The following UCHL5 variants were observed in gnomAD, a reference collection of about 807,000 sequenced individuals.
UCHL5 encodes the protein ubiquitin carboxyl-terminal hydrolase isozyme L5.
Under a neutral mutation model 53.8 loss-of-function variants are expected in UCHL5, and 34 were observed. The ratio of observed to expected loss-of-function variants is 0.63; its 90% confidence interval spans 0.48 to 0.84. The LOEUF is 0.84. UCHL5 is among the 40% of genes least tolerant of loss of function. UCHL5 has a pLI of 0.00. For missense variants in UCHL5, 290 were observed against 385.6 expected (o/e 0.75, Z 2.08); for synonymous variants, 111 against 126.3 (o/e 0.88, Z 0.81).
intron 3 of UCHL5, among the ~76,000 whole-genome samples, chr1:193,035,927 A>G (rs1014095562): frequency 1.3e-5 from 2 of 152,090 alleles, no homozygotes; most frequent in Non-Finnish European, 2.9e-5. Context: ...ACCTCTTTAT[A>G]ATAACATGTC....
At chr1:193,059,860 C>T, upstream of UCHL5, 1 of 1,363,830 alleles carries the variant, frequency 7.3e-7, no homozygotes, top group South Asian at 1.1e-5. The surrounding 1 kb of genome is among the most constrained non-coding windows in gnomAD (Gnocchi z 4.9). Flanking sequence ...CCATGTCTCT[C>T]ACCCGCATCC....
Position 193,029,196 on chromosome 1 carries a change from T to C in UCHL5, c.548A>G (p.Glu183Gly). ...TGCATTACCTAAATCAATCGGTCCT[T>C]CTCTTAATCCATCTAATTCATACAG... ...GRLYELDGLR[E>G]GPIDLGACNQ... Residue 183 changes from glutamate to glycine, a missense_variant, in exon 6 of 11, where the codon GAA (glutamate) becomes GGA (glycine). Glu to Gly is a moderately conservative substitution (Grantham distance 98). Coordinates refer to ENST00000367454, the MANE Select transcript of UCHL5 (RefSeq NM_001199261.3). 6.2e-7 allele frequency: 1 copy of C among 1,612,938 alleles called. No individual in the cohort carries two copies. Among genetic ancestry groups the C allele is most frequent in the Non-Finnish European group, 8.5e-7 (1 of 1,179,590 alleles).
chr1:193,025,004 T>C (rs566846708), intron 7 of UCHL5, among the ~76,000 whole-genome samples: 20 of 152,020 alleles, frequency 1.3e-4, no homozygotes, highest in Non-Finnish European at 2.6e-4. Flanking sequence ...TTCTGAAAGG[T>C]AGAAAAAAAG....
intron 9 of UCHL5, 51 bp from the exon 10 acceptor site, chr1:193,021,246 AT>A: frequency 8.0e-7 from 1 of 1,257,686 alleles, no homozygotes; most frequent in Non-Finnish European, 1.2e-6. Context: ...TAATTTTGAT[AT>A]TTTATTCTTT....
At position 193,059,269 on chromosome 1, in the gene UCHL5, C is replaced by A. The variant is rs1671995362; in HGVS notation, c.-9G>T. On this transcript the variant is annotated 5_prime_UTR_variant, in exon 1 of 11. Coordinates refer to ENST00000367454, the MANE Select transcript of UCHL5 (RefSeq NM_001199261.3). This position sits in a 1 kb window ranked among gnomAD's most constrained non-coding sequence, Gnocchi z 4.9. ...CCGGCATTGCCCGTCATGGCCCTGG[C>A]CACACACCGCCCCGATCCACCTCTC... The A allele has an allele frequency of 6.2e-7, 1 of 1,613,716 alleles. No homozygotes were observed. Among genetic ancestry groups the A allele is most frequent in the South Asian group, 1.1e-5 (1 of 91,038 alleles).
At chr1:193,058,105 T>C (rs1178208175) in intron 1 of UCHL5, among the ~76,000 whole-genome samples, 2 of 151,384 alleles carry the variant, frequency 1.3e-5, no homozygotes, top group Non-Finnish European at 2.9e-5. Flanking sequence ...CGCGTGCCTG[T>C]AATCCCAGCT....
chr1:193,054,681 T>C (rs1670075755), intron 1 of UCHL5, among the ~76,000 whole-genome samples: 1 of 152,240 alleles, frequency 6.6e-6, no homozygotes, highest in South Asian at 2.1e-4. Flanking sequence ...GGGCACCATA[T>C]GCACCCCAAG....
chr1:193,027,088 C>A (rs1659544423), intron 7 of UCHL5, among the ~76,000 whole-genome samples: 1 of 152,088 alleles, frequency 6.6e-6, no homozygotes, highest in Non-Finnish European at 1.5e-5. Context: ...GGAAAGGCAG[C>A]AGGGAGAGAA....
At chr1:193,022,828 T>C (rs1657626040) in intron 9 of UCHL5, 98 bp downstream of exon 9, 5 of 762,704 alleles carry the variant, frequency 6.6e-6, no homozygotes, top group Non-Finnish European at 1.1e-5. Flanking sequence ...ATCTGGTAAA[T>C]GATAGGAGGG....
intron 3 of UCHL5, among the ~76,000 whole-genome samples, chr1:193,037,804 G>T (rs1232824681): frequency 6.6e-6 from 1 of 150,628 alleles, no homozygotes; most frequent in Non-Finnish European, 1.5e-5. Context: ...TACCTAATGG[G>T]TGCAGCACAC....
In UCHL5 at chr1:193,021,318, A is replaced by G. The variant is rs999258671; in HGVS notation, c.844-123T>C. On this transcript the variant is annotated intron_variant, in intron 9 of 10. Coordinates refer to ENST00000367454, the MANE Select transcript of UCHL5 (RefSeq NM_001199261.3). ...TCATAAGAAAATGATTTTAGAAATA[A>G]TGAGATTCCATTCCCACTGAGAATA... The G allele has an allele frequency of 4.9e-6, 3 of 616,000 alleles. No homozygotes were observed. The African/African-American group carries it at 5.6e-5, about 12-fold the overall frequency. 38.2% of individuals were successfully genotyped at this position (616,000 alleles called of 1,614,324 possible).
chr1:193,052,482 A>G (rs1669367619), intron 1 of UCHL5, among the ~76,000 whole-genome samples: 1 of 152,202 alleles, frequency 6.6e-6, no homozygotes. Flanking sequence ...TACGTTGCAC[A>G]GGACAACCCC....
At chr1:193,055,496 C>T (rs371618575) in intron 1 of UCHL5, among the ~76,000 whole-genome samples, 5 of 152,208 alleles carry the variant, frequency 3.3e-5, no homozygotes, top group East Asian at 3.8e-4. Context: ...ATAAGTAATA[C>T]AACCCTTATC....
chr1:193,037,377 G>T (rs1207532222), intron 3 of UCHL5, among the ~76,000 whole-genome samples: 3 of 151,714 alleles, frequency 2.0e-5, no homozygotes, highest in Non-Finnish European at 4.4e-5. Flanking sequence ...CAAAAAAATT[G>T]GAAAACCTAG....
At chr1:193,059,544 G>T (rs747643089), upstream of UCHL5, 1 of 1,544,098 alleles carries the variant, frequency 6.5e-7, no homozygotes, top group Admixed American at 1.8e-5. The surrounding 1 kb of genome is among the most constrained non-coding windows in gnomAD (Gnocchi z 4.9). Context: ...GATTCACAGC[G>T]CCGAGGAGGC....
intron 3 of UCHL5, among the ~76,000 whole-genome samples, chr1:193,030,541 A>G (rs1279029677): frequency 6.6e-6 from 1 of 152,152 alleles, no homozygotes; most frequent in Admixed American, 6.5e-5. Context: ...CTAAGCACCT[A>G]TGGTATTGAG....
intron 1 of UCHL5, among the ~76,000 whole-genome samples, chr1:193,058,088 A>C (rs2102956696): frequency 6.6e-6 from 1 of 151,834 alleles, no homozygotes. Context: ...TTAGCCGGGC[A>C]TGGTGGCGCG....
At chr1:193,029,709 G>GT (rs1279756163) in intron 3 of UCHL5, 52 bp from the exon 4 acceptor site, 2 of 1,450,264 alleles carry the variant, frequency 1.4e-6, no homozygotes, top group Non-Finnish European at 1.8e-6. Context: ...ATAAAAAATG[G>GT]TTTTTAACTG....
intron 6 of UCHL5, among the ~76,000 whole-genome samples, chr1:193,028,760 A>G (rs1410823254): frequency 6.6e-6 from 1 of 152,148 alleles, no homozygotes; most frequent in Non-Finnish European, 1.5e-5. Flanking sequence ...TTTAAGAAAA[A>G]TATTTTCTTG....
Sources: gnomAD v4.1 joint callset for allele counts (sites outside exome capture counted in the v4.1 genomes callset) on GRCh38, gnomAD v4.1.1 for gene constraint, Gnocchi (gnomAD v3.1) non-coding constraint, MANE v1.5 for transcripts, NCBI Gene and HGNC (gene_info 2026-07-23, HGNC 2026-07-21) for gene names.